The following SH2D4A variants were observed in gnomAD, a reference collection of about 807,000 sequenced individuals.
The protein encoded by SH2D4A is SH2 domain-containing protein 4A.
Under a neutral mutation model 64.7 loss-of-function variants are expected in SH2D4A, and 70 were observed. That is an observed-to-expected ratio of 1.08 (90% confidence interval 0.89 to 1.32). The LOEUF is 1.32. Ranked by LOEUF, SH2D4A falls within the 40% of genes most tolerant of loss-of-function variation. The pLI is 0.00. For missense variants in SH2D4A, 706 were observed against 540.1 expected, an observed-to-expected ratio of 1.31 and a Z score of -3.04; for synonymous variants, 268 against 200.7, an observed-to-expected ratio of 1.34 and a Z score of -2.83.
At chr8:19,329,147 G>C (rs892094822) in intron 2 of SH2D4A, among the ~76,000 whole-genome samples, 2 of 152,072 alleles carry the variant, frequency 1.3e-5, no homozygotes, top group African/African-American at 4.8e-5. Flanking sequence ...TTTGCATCCA[G>C]CGTCAAACAC....
chr8:19,346,971 T>C (rs1006332344), intron 4 of SH2D4A, among the ~76,000 whole-genome samples: 3 of 152,236 alleles, frequency 2.0e-5, no homozygotes, highest in African/African-American at 7.2e-5. Context: ...TGGCTGGATT[T>C]TCCAAGCTCA....
chr8:19,374,539 C>A (rs750454334), intron 8 of SH2D4A, among the ~76,000 whole-genome samples: 1 of 152,134 alleles, frequency 6.6e-6, no homozygotes, highest in Non-Finnish European at 1.5e-5. Flanking sequence ...AGAAATATAC[C>A]CACAAAAAGG....
Position 19,394,887 on chromosome 8 carries a change from A to AT in SH2D4A, c.*246dup. 2.8e-6 allele frequency: 1 copy of AT among 352,422 alleles called. No individual in the cohort carries two copies. Among genetic ancestry groups the AT allele is most frequent in the Non-Finnish European group, 5.1e-6 (1 of 195,666 alleles). 21.8% of individuals were successfully genotyped at this position (352,422 alleles called of 1,614,324 possible). On this transcript the variant is annotated 3_prime_UTR_variant, in exon 10 of 10. Coordinates refer to ENST00000265807, the MANE Select transcript of SH2D4A (RefSeq NM_022071.4). Reference sequence around the variant, plus strand: ...GTCTCAATTTCAGCAAGTACCTGTCATGAAGGGTATGACCTTAATGATGTA... The same window carrying AT: ...GTCTCAATTTCAGCAAGTACCTGTCATTGAAGGGTATGACCTTAATGATGTA...
chr8:19,342,534 T>G (rs2117233386), intron 4 of SH2D4A, among the ~76,000 whole-genome samples: 1 of 152,318 alleles, frequency 6.6e-6, no homozygotes, highest in South Asian at 2.1e-4. Context: ...TCTACACATT[T>G]GGAAAGATGT....
chr8:19,380,361 A>G (rs2053271644), intron 8 of SH2D4A, among the ~76,000 whole-genome samples: 1 of 152,144 alleles, frequency 6.6e-6, no homozygotes, highest in Non-Finnish European at 1.5e-5. Flanking sequence ...GATGTATAAA[A>G]TGCTTTAATT....
intron 4 of SH2D4A, among the ~76,000 whole-genome samples, chr8:19,347,739 A>T (rs1563195306): frequency 6.6e-6 from 1 of 152,200 alleles, no homozygotes. Context: ...AGAACCAAAC[A>T]TCTGGGATTC....
chr8:19,395,848 G>C lies in SH2D4A; in HGVS notation c.*1206G>C, dbSNP rs577179418. 6.6e-6 allele frequency: 1 copy of C among 152,184 alleles called. No homozygotes were observed. Among genetic ancestry groups the C allele is most frequent in the South Asian group, 2.1e-4 (1 of 4,826 alleles). The allele number at this position is 152,184 out of a possible 1,614,324, so 9.4% of individuals were successfully genotyped here. ...GAGTTCATGCTGACTTGTTACTATA[G>C]CCCCAGAAAGCTAATACAGTCGTTT... On this transcript the variant is annotated 3_prime_UTR_variant, in exon 10 of 10. Coordinates refer to ENST00000265807, the MANE Select transcript of SH2D4A (RefSeq NM_022071.4).
intron 5 of SH2D4A, among the ~76,000 whole-genome samples, chr8:19,357,988 T>C (rs1423088285): frequency 6.6e-6 from 1 of 152,174 alleles, no homozygotes; most frequent in African/African-American, 2.4e-5. Context: ...GACCATGCCA[T>C]GAATTCCATG....
At chr8:19,339,495 CTTTTT>C (rs5889867) in intron 4 of SH2D4A, among the ~76,000 whole-genome samples, 7 of 129,006 alleles carry the variant, frequency 5.4e-5, no homozygotes, top group East Asian at 2.3e-4. Flanking sequence ...TATAAACTTT[CTTTTT>C]TTTTTTTTTT....
chr8:19,349,220 G>C (rs1052865094), intron 4 of SH2D4A, among the ~76,000 whole-genome samples: 4 of 152,154 alleles, frequency 2.6e-5, no homozygotes, highest in African/African-American at 9.7e-5. Context: ...TAATTCAAGA[G>C]TGGAGCCCTA....
At chr8:19,364,764 G>C (rs899568098) in intron 7 of SH2D4A, among the ~76,000 whole-genome samples, 1 of 152,212 alleles carries the variant, frequency 6.6e-6, no homozygotes, top group African/African-American at 2.4e-5. Flanking sequence ...TTAAAGGTTT[G>C]ATGGTAATTC....
intron 4 of SH2D4A, among the ~76,000 whole-genome samples, chr8:19,348,122 A>G (rs546186108): frequency 6.6e-6 from 1 of 152,214 alleles, no homozygotes; most frequent in African/African-American, 2.4e-5. Flanking sequence ...TAGAAACAGG[A>G]TCTTGCTGTG....
At chr8:19,349,325 G>C (rs181211335) in intron 4 of SH2D4A, among the ~76,000 whole-genome samples, 1 of 152,276 alleles carries the variant, frequency 6.6e-6, no homozygotes, top group Admixed American at 6.5e-5. Flanking sequence ...ATATAAGATA[G>C]AATCACAAAA....
At chr8:19,357,057 G>A (rs965732078) in intron 4 of SH2D4A, 146 bp from the exon 5 acceptor site, 10 of 642,484 alleles carry the variant, frequency 1.6e-5, no homozygotes, top group Non-Finnish European at 2.5e-5. Context: ...ATCGGCCCAG[G>A]AACTCAGGTG....
At chr8:19,373,393 G>C (rs2053137262) in intron 7 of SH2D4A, 137 bp from the exon 8 acceptor site, 1 of 420,578 alleles carries the variant, frequency 2.4e-6, no homozygotes, top group South Asian at 8.4e-5. Flanking sequence ...AAGCACCTCT[G>C]GTGTCTACAG....
At chr8:19,315,324 C>T (rs893876219) in intron 1 of SH2D4A, among the ~76,000 whole-genome samples, 29 of 152,108 alleles carry the variant, frequency 1.9e-4, no homozygotes, top group Admixed American at 1.8e-3. Context: ...TATGTAGAGA[C>T]GGAGTTTTGC....
At position 19,373,561 on chromosome 8, in the gene SH2D4A, T is replaced by C; in HGVS notation, c.949T>C (p.Ser317Pro). The C allele has an allele frequency of 6.2e-7, 1 of 1,613,126 alleles. No individual in the cohort carries two copies. The highest frequency in any genetic ancestry group is 2.2e-5 in the East Asian group (1 of 44,828). ...NQGVVRTLSS[S>P]AQEDIIRWFK... ...GGGAGTGGTGAGGACACTGTCCAGC[T>C]CTGCCCAAGAGGACATCATCCGGTG... The change falls in exon 8 of 10, where the codon TCT becomes CCT. Residue 317 changes from serine to proline, a missense_variant. Coordinates refer to ENST00000265807, the MANE Select transcript of SH2D4A (RefSeq NM_022071.4).
At chr8:19,384,742 C>A (rs1408728643) in intron 8 of SH2D4A, among the ~76,000 whole-genome samples, 1 of 152,170 alleles carries the variant, frequency 6.6e-6, no homozygotes, top group African/African-American at 2.4e-5. Flanking sequence ...TTCCCCAAGA[C>A]AGGGCCAAAG....
rs529541841 is a variant in SH2D4A at position 19,388,539 on chromosome 8, T to G, written c.1049-4779T>G. Among the ~76,000 whole-genome samples, 10 of 152,298 alleles carry G rather than the reference T, an allele frequency of 6.6e-5. No homozygotes were observed. The South Asian group carries it at 1.9e-3, about 28-fold the overall frequency. The stretch of plus-strand genomic sequence containing the variant: ...ATTATTTGAGGATAATAACAATATA[T>G]CTATGTAGGGTTGCGGTGAGGATAA... On this transcript the variant is annotated intron_variant, in intron 8 of 9. Coordinates refer to ENST00000265807, the MANE Select transcript of SH2D4A (RefSeq NM_022071.4).
Sources: allele counts gnomAD v4.1 joint callset (sites outside exome capture counted in the v4.1 genomes callset), GRCh38; gene constraint gnomAD v4.1.1; transcripts MANE v1.5; gene names NCBI Gene and HGNC (gene_info 2026-07-23, HGNC 2026-07-21).